Variants in QTMAN observed in about 807,000 individuals in gnomAD.
QTMAN encodes the protein tRNA-queuosine alpha-mannosyltransferase.
the QTMAN span, among the ~76,000 whole-genome samples, chr2:144,074,841 C>T: frequency 4.6e-5 from 7 of 152,224 alleles, no homozygotes; most frequent in East Asian, 1.4e-3. Context: ...AGCACAGAAC[C>T]AGCCATCATA....
At chr2:144,019,447 T>C in the QTMAN span, among the ~76,000 whole-genome samples, 3 of 134,642 alleles carry the variant, frequency 2.2e-5, no homozygotes, top group Non-Finnish European at 4.6e-5. Flanking sequence ...TGTGTGTGTG[T>C]GTGTGTGTGT....
At chr2:143,964,622 G>A in the QTMAN span, among the ~76,000 whole-genome samples, 1 of 152,066 alleles carries the variant, frequency 6.6e-6, no homozygotes, top group African/African-American at 2.4e-5. Flanking sequence ...TGATGAAAAT[G>A]AGACAGGAGC....
At chr2:144,000,545 C>T in the QTMAN span, among the ~76,000 whole-genome samples, 116 of 152,132 alleles carry the variant, frequency 7.6e-4, no homozygotes, top group African/African-American at 2.8e-3. Flanking sequence ...TGATCCCTTT[C>T]AAAGAGCTAT....
chr2:144,133,187 AAAT>A, the QTMAN span, among the ~76,000 whole-genome samples: 2 of 45,152 alleles, frequency 4.4e-5, no homozygotes, highest in African/African-American at 2.1e-4. Context: ...TATATAATAT[AAAT>A]TTATATATAT....
chr2:144,224,935 A>T, the QTMAN span, among the ~76,000 whole-genome samples: 1 of 152,314 alleles, frequency 6.6e-6, no homozygotes, highest in South Asian at 2.1e-4. Flanking sequence ...GCAGGGTCTC[A>T]AAGAGGGACC....
chr2:144,153,694 GA>G, the QTMAN span, among the ~76,000 whole-genome samples: 2 of 152,108 alleles, frequency 1.3e-5, no homozygotes, highest in South Asian at 4.1e-4. Flanking sequence ...CCGTCTCAAA[GA>G]AAACAAAAAC....
At chr2:144,028,273 T>C in the QTMAN span, among the ~76,000 whole-genome samples, 1 of 152,196 alleles carries the variant, frequency 6.6e-6, no homozygotes, top group African/African-American at 2.4e-5. Flanking sequence ...AGCATAGTGG[T>C]TGGCACAAAT....
At chr2:144,258,655 C>A in the QTMAN span, among the ~76,000 whole-genome samples, 1 of 152,082 alleles carries the variant, frequency 6.6e-6, no homozygotes, top group South Asian at 2.1e-4. Context: ...TCCATAAGCT[C>A]TTCTTAAGAA....
the QTMAN span, among the ~76,000 whole-genome samples, chr2:143,968,324 A>T: frequency 6.6e-6 from 1 of 152,122 alleles, no homozygotes; most frequent in Non-Finnish European, 1.5e-5. Flanking sequence ...TCCCAGTTAG[A>T]CAGAGATCCC....
the QTMAN span, chr2:144,177,252 T>TAAAAAA: frequency 1.7e-6 from 1 of 583,568 alleles, no homozygotes; most frequent in Admixed American, 2.9e-5. Context: ...TTGATCCCAA[T>TAAAAAA]AAAAAAAAAA....
chr2:144,254,850 A>G, the QTMAN span, among the ~76,000 whole-genome samples: 1 of 152,230 alleles, frequency 6.6e-6, no homozygotes, highest in Non-Finnish European at 1.5e-5. Flanking sequence ...TGAGACATGG[A>G]GTCAAAGAGA....
chr2:144,197,954 C>T, the QTMAN span, among the ~76,000 whole-genome samples: 16 of 152,184 alleles, frequency 1.1e-4, no homozygotes, highest in Non-Finnish European at 1.8e-4. Flanking sequence ...GGGTCACACA[C>T]AGTGGCTCAT....
chr2:144,321,333 A>G, the QTMAN span, among the ~76,000 whole-genome samples: 10 of 152,204 alleles, frequency 6.6e-5, no homozygotes, highest in Non-Finnish European at 1.3e-4. Flanking sequence ...GTTTCCTGCC[A>G]CTGCTGGACT....
the QTMAN span, chr2:144,177,173 GCAAGGCATAAATC>G: frequency 4.3e-6 from 3 of 701,648 alleles, no homozygotes; most frequent in Non-Finnish European, 7.8e-6. Context: ...TGAGATTTGG[GCAAGGCATAAATC>G]CAAACCATAT....
chr2:144,250,783 G>A, the QTMAN span, among the ~76,000 whole-genome samples: 1 of 143,418 alleles, frequency 7.0e-6, no homozygotes, highest in African/African-American at 2.6e-5. Context: ...CCTGTGCCAT[G>A]TATTTATTAG....
At chr2:144,280,728 A>G in the QTMAN span, among the ~76,000 whole-genome samples, 1 of 152,146 alleles carries the variant, frequency 6.6e-6, no homozygotes, top group Admixed American at 6.5e-5. Flanking sequence ...CTACAAATCA[A>G]TAAGAAAAGG....
the QTMAN span, among the ~76,000 whole-genome samples, chr2:144,079,738 G>T: frequency 6.6e-6 from 1 of 152,056 alleles, no homozygotes; most frequent in Admixed American, 6.6e-5. Context: ...CAAGTTCATT[G>T]TATCTTACTG....
the QTMAN span, among the ~76,000 whole-genome samples, chr2:144,054,048 C>T: frequency 6.6e-6 from 1 of 151,854 alleles, no homozygotes; most frequent in South Asian, 2.1e-4. Flanking sequence ...ATTAGCCGGG[C>T]GGGGTGGTGG....
At chr2:143,977,624 C>T in the QTMAN span, among the ~76,000 whole-genome samples, 3 of 152,000 alleles carry the variant, frequency 2.0e-5, no homozygotes, top group Non-Finnish European at 4.4e-5. Flanking sequence ...GAGCTGTAGG[C>T]AGACAGACAG....
Sources: gnomAD v4.1 joint callset for allele counts (sites outside exome capture counted in the v4.1 genomes callset) on GRCh38, gnomAD v4.1.1 for gene constraint, MANE v1.5 for transcripts, NCBI Gene and HGNC (gene_info 2026-07-23, HGNC 2026-07-21) for gene names.